CSMD1: variants seen among roughly 807,000 people sequenced by gnomAD.
CSMD1 encodes CUB and Sushi multiple domains 1.
A neutral mutation model predicts 417.5 loss-of-function variants in CSMD1; 213 were observed. That is an observed-to-expected ratio of 0.51 (90% CI 0.46 to 0.57). The LOEUF (loss-of-function observed/expected upper bound fraction) is 0.57. Among genes scored for constraint, CSMD1 ranks in the 20% least tolerant of loss-of-function variants. The pLI is 0.00. For synonymous variants in CSMD1, 2,862 were observed against 1,736.8 expected (o/e 1.65, Z -16.11); for missense variants, 6,923 against 4,529.7 (o/e 1.53, Z -15.17).
intron 1 of CSMD1, among the ~76,000 whole-genome samples, chr8:4,752,592 TG>T (rs1274587933): frequency 6.6e-6 from 1 of 151,978 alleles, no homozygotes; most frequent in East Asian, 1.9e-4. Context: ...AATGCATGAG[TG>T]AAATTCTAGA....
chr8:3,765,500 G>A (rs994499993), intron 5 of CSMD1, among the ~76,000 whole-genome samples: 2 of 152,152 alleles, frequency 1.3e-5, no homozygotes, highest in African/African-American at 4.8e-5. Context: ...AGCCCACTGA[G>A]GGCATTGGTG....
At chr8:3,246,684 C>T (rs973479976) in intron 26 of CSMD1, among the ~76,000 whole-genome samples, 2 of 152,202 alleles carry the variant, frequency 1.3e-5, no homozygotes, top group Admixed American at 6.5e-5. Flanking sequence ...GTTGGCCATG[C>T]TGGCCTCGAA....
At chr8:3,807,128 T>C (rs573318942) in intron 5 of CSMD1, among the ~76,000 whole-genome samples, 1 of 152,238 alleles carries the variant, frequency 6.6e-6, no homozygotes, top group Non-Finnish European at 1.5e-5. Flanking sequence ...AGGGCACATT[T>C]CCTAAAGAAA....
chr8:4,417,423 C>G (rs1255784376), intron 3 of CSMD1, among the ~76,000 whole-genome samples: 2 of 151,896 alleles, frequency 1.3e-5, no homozygotes, highest in Non-Finnish European at 1.5e-5. Context: ...GATCTTAGAA[C>G]TTTGGAAGAT....
At chr8:3,516,369 A>G (rs1006575039) in intron 10 of CSMD1, among the ~76,000 whole-genome samples, 10 of 152,226 alleles carry the variant, frequency 6.6e-5, no homozygotes, top group Non-Finnish European at 1.5e-4. Context: ...ACAGCTTAGT[A>G]TAATAGAAAA....
intron 3 of CSMD1, among the ~76,000 whole-genome samples, chr8:4,275,466 G>A (rs1373005657): frequency 6.6e-6 from 1 of 152,102 alleles, no homozygotes; most frequent in Non-Finnish European, 1.5e-5. Flanking sequence ...AATTTTACGT[G>A]TAGATCACAG....
intron 23 of CSMD1, among the ~76,000 whole-genome samples, chr8:3,316,097 C>G (rs144118013): frequency 6.6e-6 from 1 of 152,106 alleles, no homozygotes; most frequent in African/African-American, 2.4e-5. Flanking sequence ...TGGGGCAAGA[C>G]CAGGATCAGG....
chr8:3,993,206 G>C (rs900816742), intron 5 of CSMD1, among the ~76,000 whole-genome samples: 1 of 152,232 alleles, frequency 6.6e-6, no homozygotes, highest in Non-Finnish European at 1.5e-5. Context: ...GCAACTCTCT[G>C]TGTTAGTGCT....
chr8:3,483,864 C>A (rs1178338436), intron 11 of CSMD1, among the ~76,000 whole-genome samples: 1 of 152,024 alleles, frequency 6.6e-6, no homozygotes, highest in African/African-American at 2.4e-5. Flanking sequence ...TGTCATCCAC[C>A]ATTAGAAGAG....
chr8:4,708,228 G>T lies in CSMD1; in HGVS notation c.86-70670C>A, dbSNP rs146998625. On this transcript the variant is annotated intron_variant, in intron 1 of 69. Transcript: ENST00000635120. The stretch of plus-strand genomic sequence containing the variant: ...GCCTTCTAAAGTGCTGAGATTACAG[G>T]CATGAGCCACTGCATCTGGCCTTCA... Among the ~76,000 whole-genome samples, 374 of 152,208 alleles carry T rather than the reference G, an allele frequency of 2.5e-3. 4 individuals are homozygous for T. Among genetic ancestry groups the T allele is most frequent in the African/African-American group, 8.7e-3 (361 of 41,518 alleles).
At chr8:4,920,203 A>G (rs181188482) in intron 1 of CSMD1, among the ~76,000 whole-genome samples, 1 of 152,288 alleles carries the variant, frequency 6.6e-6, no homozygotes, top group African/African-American at 2.4e-5. Context: ...CTAATGAACC[A>G]AACAGGACAG....
chr8:4,295,433 GATAT>G lies in CSMD1; in HGVS notation c.415+124516_415+124519del, dbSNP rs549296446. ...TCTTATTATACACATATAATCTTAA[GATAT>G]ATATAATCTTATTATACACATATAA... On this transcript the variant is annotated intron_variant, in intron 3 of 69. Coordinates refer to ENST00000635120, the MANE Select transcript of CSMD1 (RefSeq NM_033225.6). Among the ~76,000 whole-genome samples, 94 of 141,448 alleles carry G rather than the reference GATAT, an allele frequency of 6.6e-4. 2 individuals carry two copies. Among genetic ancestry groups the G allele is most frequent in the African/African-American group, 2.2e-3 (86 of 39,154 alleles). The allele number at this position is 141,448 out of a possible 152,430, so 92.8% of individuals were successfully genotyped here.
chr8:2,944,479 CAT>C (rs950083572), intron 68 of CSMD1, among the ~76,000 whole-genome samples: 7 of 152,126 alleles, frequency 4.6e-5, no homozygotes, highest in African/African-American at 1.2e-4. Flanking sequence ...TTGTGAAAAT[CAT>C]ATGTTAGTAC....
chr8:4,620,385 G>C (rs1008692477), intron 2 of CSMD1, among the ~76,000 whole-genome samples: 3 of 151,408 alleles, frequency 2.0e-5, no homozygotes, highest in Non-Finnish European at 3.0e-5. Flanking sequence ...TTAAATATAA[G>C]GAATTTGAGT....
At chr8:2,997,113 G>C (rs1806970387) in intron 54 of CSMD1, among the ~76,000 whole-genome samples, 1 of 152,366 alleles carries the variant, frequency 6.6e-6, no homozygotes, top group Non-Finnish European at 1.5e-5. Flanking sequence ...GGTTAGTTGA[G>C]TGAACTGGGT....
chr8:2,940,047 C>A (rs1159088946), intron 69 of CSMD1, among the ~76,000 whole-genome samples: 1 of 152,178 alleles, frequency 6.6e-6, no homozygotes, highest in Non-Finnish European at 1.5e-5. Flanking sequence ...TCCCAACATG[C>A]AAGCAACAGA....
chr8:4,856,972 A>G (rs1470274129), intron 1 of CSMD1, among the ~76,000 whole-genome samples: 1 of 151,616 alleles, frequency 6.6e-6, no homozygotes, highest in African/African-American at 2.4e-5. Context: ...CATTTTTTTC[A>G]GCACCACACC....
intron 7 of CSMD1, among the ~76,000 whole-genome samples, chr8:3,618,888 G>C (rs1802279312): frequency 6.6e-6 from 1 of 152,200 alleles, no homozygotes; most frequent in Admixed American, 6.5e-5. Flanking sequence ...AAGAAGCAGA[G>C]AGAAAGTGGC....
At chr8:4,165,134 T>C (rs1282637555) in intron 3 of CSMD1, among the ~76,000 whole-genome samples, 3 of 152,098 alleles carry the variant, frequency 2.0e-5, no homozygotes, top group Non-Finnish European at 4.4e-5. Flanking sequence ...GCATGACAGG[T>C]ATCTATATTT....
Sources: allele counts gnomAD v4.1 joint callset (sites outside exome capture counted in the v4.1 genomes callset), GRCh38; gene constraint gnomAD v4.1.1; transcripts MANE v1.5; gene names NCBI Gene and HGNC (gene_info 2026-07-23, HGNC 2026-07-21).